HYKK: variants seen among roughly 807,000 people sequenced by gnomAD.
The protein encoded by HYKK is 5-hydroxy-L-lysine kinase.
In HYKK, 19 loss-of-function variants were observed where a neutral mutation model predicts 29.7. That is an observed-to-expected ratio of 0.64 (90% CI 0.45 to 0.94). The LOEUF (loss-of-function observed/expected upper bound fraction) is 0.94. Among genes scored for constraint, HYKK ranks in the 40% least tolerant of loss-of-function variants. The probability of loss-of-function intolerance (pLI) is 0.00; values close to 1 mark genes in which losing one functional copy is unlikely to be tolerated. For missense variants in HYKK, 390 were observed against 443.4 expected, an observed-to-expected ratio of 0.88 and a Z score of 1.08; for synonymous variants, 152 against 158.1, an observed-to-expected ratio of 0.96 and a Z score of 0.29.
At chr15:78,525,781 G>A (rs933695501) in intron 3 of HYKK, among the ~76,000 whole-genome samples, 3 of 152,206 alleles carry the variant, frequency 2.0e-5, no homozygotes, top group African/African-American at 7.2e-5. Flanking sequence ...TTACAGGCAT[G>A]AGCCACCACG....
rs1335199739 is a variant in HYKK, at chr15:78,526,280, A to T, written c.478-1100A>T. On this transcript the variant is annotated intron_variant, in intron 3 of 4. Transcript: ENST00000388988. ...ACAGGAGTGAACAAAACAGACAAAA[A>T]ACAGCCCTATCCCTCATGGAGCTTA... is the stretch of plus-strand genomic sequence containing the variant. Among the ~76,000 whole-genome samples, 4 of 152,328 alleles carry T rather than the reference A, an allele frequency of 2.6e-5. 1 individual carries two copies. The highest frequency in any genetic ancestry group is 6.5e-5 in the Admixed American group (1 of 15,300).
chr15:78,529,506 A>G (rs762363496), intron 4 of HYKK, among the ~76,000 whole-genome samples: 12 of 152,230 alleles, frequency 7.9e-5, no homozygotes, highest in Non-Finnish European at 1.6e-4. Flanking sequence ...AATTTATACT[A>G]CAGCTAGCAG....
intron 2 of HYKK, among the ~76,000 whole-genome samples, 200 bp from the exon 3 acceptor site, chr15:78,514,768 T>C (rs1036366119): frequency 6.6e-6 from 1 of 152,208 alleles, no homozygotes; most frequent in Non-Finnish European, 1.5e-5. Flanking sequence ...TCAACTCTGC[T>C]TCATAGAATC....
intron 3 of HYKK, among the ~76,000 whole-genome samples, chr15:78,524,374 G>C (rs1349181091): frequency 6.6e-6 from 1 of 152,208 alleles, no homozygotes; most frequent in African/African-American, 2.4e-5. Flanking sequence ...CATGGCTTGA[G>C]CTGGCACAAC....
chr15:78,531,764 C>T (rs2052315065), intron 4 of HYKK, among the ~76,000 whole-genome samples: 1 of 152,154 alleles, frequency 6.6e-6, no homozygotes, highest in South Asian at 2.1e-4. Flanking sequence ...CTCCTAGACT[C>T]AAGCAATCCA....
chr15:78,525,326 T>G (rs2052240359), intron 3 of HYKK, among the ~76,000 whole-genome samples: 1 of 150,586 alleles, frequency 6.6e-6, no homozygotes, highest in African/African-American at 2.4e-5. Context: ...CAGCTGATTT[T>G]TTGTATTTTT....
intron 4 of HYKK, chr15:78,528,654 C>A: frequency 5.2e-6 from 2 of 386,824 alleles, no homozygotes; most frequent in Non-Finnish European, 7.1e-6. Context: ...AATGCAAAAA[C>A]TAGCTGGGCA....
At chr15:78,532,783 G>C (rs2052324689) in intron 4 of HYKK, among the ~76,000 whole-genome samples, 1 of 152,152 alleles carries the variant, frequency 6.6e-6, no homozygotes, top group African/African-American at 2.4e-5. Flanking sequence ...AACAGAGTGA[G>C]ACTCATCTCA....
chr15:78,524,723 C>T (rs187266879), intron 3 of HYKK, among the ~76,000 whole-genome samples: 101 of 152,134 alleles, frequency 6.6e-4, no homozygotes, highest in African/African-American at 2.4e-3. Context: ...GCAGGAGTAT[C>T]GCTTGAACCT....
intron 3 of HYKK, chr15:78,518,655 C>G (rs761370569): frequency 1.1e-5 from 5 of 451,776 alleles, no homozygotes; most frequent in African/African-American, 2.0e-5. Context: ...CAGTAGCTTA[C>G]GCCTATAATC....
At chr15:78,532,421 A>C (rs915253970) in intron 4 of HYKK, among the ~76,000 whole-genome samples, 3 of 152,240 alleles carry the variant, frequency 2.0e-5, no homozygotes, top group Non-Finnish European at 4.4e-5. Flanking sequence ...AATAGTACTG[A>C]CTTAAAATAT....
chr15:78,521,999 T>G (rs1433122327), intron 3 of HYKK, among the ~76,000 whole-genome samples: 2 of 150,740 alleles, frequency 1.3e-5, no homozygotes, highest in East Asian at 3.9e-4. Flanking sequence ...TTTTTTTTTG[T>G]AATGAGGTGA....
chr15:78,524,803 T>G (rs979606402), intron 3 of HYKK, among the ~76,000 whole-genome samples: 1 of 151,942 alleles, frequency 6.6e-6, no homozygotes, highest in Non-Finnish European at 1.5e-5. Flanking sequence ...AGAGAGACTC[T>G]GCCTCAAAAA....
chr15:78,537,247 G>A, downstream of HYKK: 1 of 553,002 alleles, frequency 1.8e-6, no homozygotes, highest in Non-Finnish European at 3.4e-6. Flanking sequence ...CGGTTTCTCT[G>A]GAAGACCCTA....
rs1567027690 is a variant in HYKK, at chr15:78,536,324, C to CACACACACAT, written c.*2661_*2662insCATACACACA. ...ACACACACACACACACACACACACA[C>CACACACACAT]ACACACATGCACACTCACTCACACA... On this transcript the variant is annotated 3_prime_UTR_variant, in exon 5 of 5. Transcript: ENST00000388988. 6.6e-6 allele frequency: 1 copy of CACACACACAT among 151,956 alleles called. No individual in the cohort carries two copies. The highest frequency in any genetic ancestry group is 2.4e-5 in the African/African-American group (1 of 41,318). The allele number at this position is 151,956 out of a possible 1,614,324, so 9.4% of individuals were successfully genotyped here. A position where few individuals can be genotyped will look rare whatever the true frequency, so the allele number is the denominator to read the frequency against.
intron 3 of HYKK, among the ~76,000 whole-genome samples, chr15:78,520,281 C>T (rs1389275355): frequency 4.6e-5 from 7 of 151,484 alleles, no homozygotes; most frequent in Admixed American, 3.3e-4. Context: ...GGGTGTTTCT[C>T]GCAGAGGGGG....
In HYKK at chr15:78,533,464, T is replaced by C; in HGVS notation, c.916T>C (p.Phe306Leu). The change falls in exon 5 of 5, where the codon TTT (phenylalanine) becomes CTT (leucine). Residue 306 changes from phenylalanine (F) to leucine (L), a missense_variant. By Grantham distance (22) the Phe-to-Leu change is conservative. Coordinates refer to ENST00000388988, the MANE Select transcript of HYKK (RefSeq NM_001013619.4). ...GACAGCTGTAGAGAAGGGTGCTTTG[T>C]TTTTACTTGTATGCAGTCGTTTTTG... Reference protein sequence around the residue: ...PLTAVEKGALFLLVCSRFCQS... With the variant: ...PLTAVEKGALLLLVCSRFCQS... 1.2e-6 allele frequency: 2 copies of C among 1,614,240 alleles called. No homozygotes were observed. The highest frequency in any genetic ancestry group is 1.7e-6 in the Non-Finnish European group (2 of 1,180,038).
Position 78,533,589 on chromosome 15 carries a change from A to G in HYKK, c.1041A>G (p.Gln347=). ...TAKTGWKHLQ[Q]MFDMGQKAVE... ...AAACCGGGTGGAAACACTTACAGCA[A>G]ATGTTTGACATGGGTCAGAAAGCTG... The change falls in exon 5 of 5, where the codon CAA becomes CAG. Residue 347 remains glutamine, a synonymous_variant. Coordinates refer to ENST00000388988, the MANE Select transcript of HYKK (RefSeq NM_001013619.4). 1 of 1,614,236 alleles carries G rather than the reference A, an allele frequency of 6.2e-7. No homozygotes were observed. The highest frequency in any genetic ancestry group is 8.5e-7 in the Non-Finnish European group (1 of 1,180,032).
chr15:78,521,460 C>G (rs947616245), intron 3 of HYKK, among the ~76,000 whole-genome samples: 5 of 151,586 alleles, frequency 3.3e-5, no homozygotes, highest in Admixed American at 6.6e-5. Flanking sequence ...AAAGTAATTG[C>G]GGGTTTGCCA....
Sources: gnomAD v4.1 joint callset for allele counts (sites outside exome capture counted in the v4.1 genomes callset) on GRCh38, gnomAD v4.1.1 for gene constraint, MANE v1.5 for transcripts, NCBI Gene and HGNC (gene_info 2026-07-23, HGNC 2026-07-21) for gene names.